SLC39A8: variants seen among roughly 807,000 people sequenced by gnomAD.
The protein encoded by SLC39A8 is metal cation symporter ZIP8.
A neutral mutation model predicts 40.4 loss-of-function variants in SLC39A8; 15 were observed. That is an observed-to-expected ratio of 0.37 (90% CI 0.25 to 0.57). The LOEUF is 0.57. SLC39A8 is among the 20% of genes least tolerant of loss of function. The pLI is 0.75. For missense variants in SLC39A8, 472 were observed against 558.8 expected, an observed-to-expected ratio of 0.84 and a Z score of 1.57; for synonymous variants, 223 against 221.6, an observed-to-expected ratio of 1.01 and a Z score of -0.06.
Position 102,327,536 on chromosome 4 carries a change from T to C in SLC39A8, c.220-11706A>G, listed in dbSNP as rs141100894. Among the ~76,000 whole-genome samples, 29 of 152,348 alleles carry C rather than the reference T, an allele frequency of 1.9e-4. No individual in the cohort carries two copies. In the East Asian group the frequency reaches 5.2e-3, roughly 27 times the overall value. Reference sequence around the variant, plus strand: ...GGAATCCATCTTCACTGCCTAATATTGCTATACCCATCCCTTCTCCAGACT... The same window carrying C: ...GGAATCCATCTTCACTGCCTAATATCGCTATACCCATCCCTTCTCCAGACT... On this transcript the variant is annotated intron_variant, in intron 2 of 8. Coordinates refer to ENST00000356736, the MANE Select transcript of SLC39A8 (RefSeq NM_001135146.2).
At chr4:102,270,953 G>T (rs1732331172) in intron 6 of SLC39A8, among the ~76,000 whole-genome samples, 1 of 152,064 alleles carries the variant, frequency 6.6e-6, no homozygotes, top group African/African-American at 2.4e-5. Flanking sequence ...AACAGTTTAA[G>T]GAAGGAGGAG....
In SLC39A8 at chr4:102,315,844, AAC is replaced by A; in HGVS notation, c.220-16_220-15del. 1 of 1,596,410 alleles carries A rather than the reference AAC, an allele frequency of 6.3e-7. No homozygotes were observed. Among genetic ancestry groups the A allele is most frequent in the Non-Finnish European group, 8.5e-7 (1 of 1,172,796 alleles). On this transcript the variant is annotated splice_polypyrimidine_tract_variant and intron_variant, in intron 2 of 8. Transcript: ENST00000356736. Reference sequence around the variant, plus strand: ...AGCAGTTAAACACTGAAATAGAATAAACAAAAAAAAAATGTGATAATAATGTG... The same window carrying A: ...AGCAGTTAAACACTGAAATAGAATAAAAAAAAAAAATGTGATAATAATGTG...
chr4:102,300,088 T>C (rs190250635), intron 6 of SLC39A8, among the ~76,000 whole-genome samples: 2 of 152,006 alleles, frequency 1.3e-5, no homozygotes, highest in Non-Finnish European at 2.9e-5. Context: ...TTTTCCTACA[T>C]CTTCCTTTTT....
chr4:102,272,470 G>C lies in SLC39A8; in HGVS notation c.841-4391C>G, dbSNP rs202092927. On this transcript the variant is annotated intron_variant, in intron 6 of 8. Coordinates refer to ENST00000356736, the MANE Select transcript of SLC39A8 (RefSeq NM_001135146.2). ...AAGAAAGAAAGAAAAAATTACCCAG[G>C]TATGGTGTCATGAGCTTATGTTCCC... Among the ~76,000 whole-genome samples, 53 of 151,924 alleles carry C rather than the reference G, an allele frequency of 3.5e-4. No individual in the cohort carries two copies. The East Asian group carries it at 9.7e-3, about 28-fold the overall frequency.
chr4:102,284,575 C>A (rs1474915817), intron 6 of SLC39A8, among the ~76,000 whole-genome samples: 2 of 152,144 alleles, frequency 1.3e-5, no homozygotes, highest in South Asian at 4.1e-4. Context: ...ATGTATGGAC[C>A]AGGATATCAT....
intron 3 of SLC39A8, among the ~76,000 whole-genome samples, chr4:102,309,055 C>T (rs1395654010): frequency 6.6e-6 from 1 of 151,988 alleles, no homozygotes; most frequent in Non-Finnish European, 1.5e-5. Context: ...CCAAAGGACT[C>T]AATAAAACTG....
intron 6 of SLC39A8, among the ~76,000 whole-genome samples, chr4:102,269,235 G>T (rs1006146478): frequency 2.0e-5 from 3 of 152,002 alleles, no homozygotes; most frequent in African/African-American, 7.2e-5. Context: ...AGGTTTTACA[G>T]TTACTCCAAT....
intron 2 of SLC39A8, among the ~76,000 whole-genome samples, chr4:102,334,068 G>T (rs1735574175): frequency 6.6e-6 from 1 of 152,130 alleles, no homozygotes. Context: ...AAATTTCAGG[G>T]AAGTGGTGGG....
At chr4:102,285,846 G>C (rs1733158437) in intron 6 of SLC39A8, among the ~76,000 whole-genome samples, 1 of 151,972 alleles carries the variant, frequency 6.6e-6, no homozygotes, top group South Asian at 2.1e-4. Context: ...TTCTGCCTCT[G>C]CAAGTGCTTC....
downstream of SLC39A8, among the ~76,000 whole-genome samples, chr4:102,260,309 T>C (rs976326185): frequency 2.0e-5 from 3 of 152,242 alleles, no homozygotes; most frequent in African/African-American, 7.2e-5. Context: ...ATTTTATTGC[T>C]GGTAATGTAT....
chr4:102,307,529 T>C lies in SLC39A8; in HGVS notation c.459A>G (p.Ile153Met). 1 of 1,613,496 alleles carries C rather than the reference T, an allele frequency of 6.2e-7. No homozygotes were observed. Among genetic ancestry groups the C allele is most frequent in the Non-Finnish European group, 8.5e-7 (1 of 1,179,630 alleles). The change falls in exon 4 of 9, where the codon ATA becomes ATG. Residue 153 changes from isoleucine to methionine, a missense_variant. Physicochemically the swap from Ile to Met is conservative, Grantham distance 10 (BLOSUM62 1). Coordinates refer to ENST00000356736, the MANE Select transcript of SLC39A8 (RefSeq NM_001135146.2). Reference sequence around the variant, plus strand: ...AAATCTTTGGGAAATAAGATTTCTTTATCAGTGGAGTCAAAATCAATCCGA... The same window carrying C: ...AAATCTTTGGGAAATAAGATTTCTTCATCAGTGGAGTCAAAATCAATCCGA... ...SLLGLILTPL[I>M]KKSYFPKILT...
rs919017888 is a variant in SLC39A8 at position 102,261,666 on chromosome 4, T to C, written c.*1378A>G. On this transcript the variant is annotated 3_prime_UTR_variant, in exon 9 of 9. Transcript: ENST00000356736. ...ATTAAATAACAAATGACACAATACA[T>C]GGTTTCAAAAGGGTGTTTACTATTT... 1.0e-6 allele frequency: 1 copy of C among 970,786 alleles called. No homozygotes were observed. The highest frequency in any genetic ancestry group is 4.8e-5 in the South Asian group (1 of 20,980). The allele number at this position is 970,786 out of a possible 1,614,324, so 60.1% of individuals were successfully genotyped here. A position where few individuals can be genotyped will look rare whatever the true frequency, so the allele number is the denominator to read the frequency against.
At chr4:102,259,029 C>G (rs1261753044), downstream of SLC39A8, among the ~76,000 whole-genome samples, 5 of 152,224 alleles carry the variant, frequency 3.3e-5, no homozygotes, top group African/African-American at 1.2e-4. Flanking sequence ...CAACTCTCCT[C>G]ACTTCACCTG....
At chr4:102,320,201 ATG>A (rs1560560879) in intron 2 of SLC39A8, among the ~76,000 whole-genome samples, 13 of 137,002 alleles carry the variant, frequency 9.5e-5, no homozygotes, top group South Asian at 2.2e-4. Context: ...GTATATATAT[ATG>A]TATATATATA....
chr4:102,344,673 G>C lies in SLC39A8; in HGVS notation c.-11C>G. ...GCGACCCGGGGCCATCCTGGCCTGG[G>C]CTTCCCCTTGAGGGCCCGCGACGGG... On this transcript the variant is annotated 5_prime_UTR_variant, in exon 2 of 9. Coordinates refer to ENST00000356736, the MANE Select transcript of SLC39A8 (RefSeq NM_001135146.2). The C allele has an allele frequency of 6.7e-7, 1 of 1,483,790 alleles. No homozygotes were observed. The highest frequency in any genetic ancestry group is 1.3e-5 in the South Asian group (1 of 76,246). 91.9% of individuals were successfully genotyped at this position (1,483,790 alleles called of 1,614,324 possible).
chr4:102,299,384 G>A (rs1013070132), intron 6 of SLC39A8, among the ~76,000 whole-genome samples: 3 of 151,826 alleles, frequency 2.0e-5, no homozygotes, highest in African/African-American at 7.3e-5. Context: ...GGAAAGTTTG[G>A]AATCTGTGAA....
intron 2 of SLC39A8, among the ~76,000 whole-genome samples, chr4:102,338,341 T>C (rs11735688): frequency 0.18 from 26,627 of 151,804 alleles, 2,388 homozygotes; most frequent in Middle Eastern, 0.27. Context: ...CACCCACCAC[T>C]ACTCCCGGCT....
In SLC39A8 at chr4:102,275,414, T is replaced by C. The variant is rs1234162800; in HGVS notation, c.841-7335A>G. 4.6e-5 allele frequency among the ~76,000 whole-genome samples: 7 copies of C among 152,186 alleles called. No homozygotes were observed. In the East Asian group the frequency reaches 9.7e-4, roughly 21 times the overall value. On this transcript the variant is annotated intron_variant, in intron 6 of 8. Transcript: ENST00000356736. ...CATTACATAATGGTAAAGGGATCAA[T>C]GCAGCAAGAAGAGCTAACTATACTA...
intron 2 of SLC39A8, among the ~76,000 whole-genome samples, chr4:102,332,764 C>G (rs1278353657): frequency 1.3e-5 from 2 of 152,176 alleles, no homozygotes; most frequent in Non-Finnish European, 2.9e-5. Flanking sequence ...TGGAACCAAC[C>G]CAAATGCCCA....
Sources: allele counts gnomAD v4.1 joint callset (sites outside exome capture counted in the v4.1 genomes callset), GRCh38; gene constraint gnomAD v4.1.1; transcripts MANE v1.5; gene names NCBI Gene and HGNC (gene_info 2026-07-23, HGNC 2026-07-21).